NBEA: variants seen among roughly 807,000 people sequenced by gnomAD.
NBEA encodes lysosomal-trafficking regulator 2.
NBEA carries 44 observed loss-of-function variants against 343.4 expected under a neutral mutation model. The observed-to-expected ratio is 0.13, with a 90% CI of 0.10 to 0.16. NBEA has a LOEUF of 0.16. Among genes scored for constraint, NBEA ranks in the 10% least tolerant of loss-of-function variants. The probability of loss-of-function intolerance (pLI) is 1.00; values close to 1 mark genes in which losing one functional copy is unlikely to be tolerated. For synonymous variants in NBEA, 1,175 were observed against 1,238.7 expected (o/e 0.95, Z 1.08); for missense variants, 2,555 against 3,631.3 (o/e 0.70, Z 7.62).
chr13:35,541,182 G>GC (rs35007017), intron 41 of NBEA, among the ~76,000 whole-genome samples: 8 of 151,322 alleles, frequency 5.3e-5, no homozygotes, highest in African/African-American at 9.7e-5. Context: ...TGTGTCCGTT[G>GC]CCCCCCCACC....
At chr13:35,141,771 TTTAA>T (rs1263837402) in intron 17 of NBEA, among the ~76,000 whole-genome samples, 1 of 152,230 alleles carries the variant, frequency 6.6e-6, no homozygotes, top group Non-Finnish European at 1.5e-5. Context: ...ATGAACTCTC[TTTAA>T]TTATGCAGAA....
chr13:34,948,622 C>T lies in NBEA; in HGVS notation c.294+5508C>T, dbSNP rs577245339. 1.1e-4 allele frequency among the ~76,000 whole-genome samples: 16 copies of T among 152,254 alleles called. No individual in the cohort carries two copies. In the South Asian group the frequency reaches 3.3e-3, roughly 32 times the overall value. On this transcript the variant is annotated intron_variant, in intron 1 of 58. Transcript: ENST00000379939. ...TCCCCAGTAACATAGACATTAGTAT[C>T]TGGAAATGACACATTGTAGGAAACA...
intron 41 of NBEA, 45 bp downstream of exon 41, chr13:35,472,581 A>G: frequency 6.2e-7 from 1 of 1,612,436 alleles, no homozygotes; most frequent in Non-Finnish European, 8.5e-7. Flanking sequence ...GCTTTGTGGC[A>G]GGAAGTGGTT....
intron 41 of NBEA, among the ~76,000 whole-genome samples, chr13:35,534,874 T>G (rs569503142): frequency 3.3e-5 from 5 of 152,154 alleles, no homozygotes; most frequent in Non-Finnish European, 7.3e-5. Flanking sequence ...TTGCCTAGGA[T>G]CAGAGAACTT....
At chr13:35,645,183 A>G (rs2084167697) in intron 49 of NBEA, among the ~76,000 whole-genome samples, 1 of 152,168 alleles carries the variant, frequency 6.6e-6, no homozygotes, top group African/African-American at 2.4e-5. Context: ...CCATCTACCA[A>G]CTCACCTGTG....
At chr13:35,030,078 G>T (rs2062152016) in intron 1 of NBEA, among the ~76,000 whole-genome samples, 1 of 151,592 alleles carries the variant, frequency 6.6e-6, no homozygotes, top group African/African-American at 2.4e-5. Flanking sequence ...TTTATATATG[G>T]TCACAGTGAT....
intron 36 of NBEA, among the ~76,000 whole-genome samples, chr13:35,322,428 C>A (rs778001047): frequency 2.0e-5 from 3 of 152,118 alleles, no homozygotes; most frequent in Non-Finnish European, 4.4e-5. Context: ...TGGACTGCAC[C>A]CACAGTCTAA....
intron 49 of NBEA, among the ~76,000 whole-genome samples, chr13:35,628,917 C>CA (rs2083339528): frequency 6.6e-6 from 1 of 151,692 alleles, no homozygotes; most frequent in African/African-American, 2.4e-5. Context: ...GACCCTATCT[C>CA]AAAAAAATAA....
chr13:35,116,622 C>T (rs1039435394), intron 13 of NBEA, among the ~76,000 whole-genome samples: 1 of 151,924 alleles, frequency 6.6e-6, no homozygotes, highest in Non-Finnish European at 1.5e-5. Context: ...AGATGCTATA[C>T]ATTATACATG....
rs759352219 is a variant in NBEA, at chr13:35,110,793, T to A, written c.1834-17T>A. The A allele has an allele frequency of 6.3e-7, 1 of 1,594,576 alleles. No homozygotes were observed. Among genetic ancestry groups the A allele is most frequent in the African/African-American group, 1.3e-5 (1 of 74,526 alleles). ...ATTTTAAATTCATTTTAATGATCTG[T>A]TAATATTCTGTATTAGGTTCAGCTT... On this transcript the variant is annotated splice_polypyrimidine_tract_variant and intron_variant, in intron 12 of 58. Transcript: ENST00000379939.
intron 36 of NBEA, among the ~76,000 whole-genome samples, chr13:35,326,824 A>G (rs1380844827): frequency 6.6e-6 from 1 of 152,112 alleles, no homozygotes; most frequent in Non-Finnish European, 1.5e-5. Flanking sequence ...GCACAGTGAA[A>G]GTAACTGTCA....
At chr13:35,165,112 G>GA (rs774320149) in intron 24 of NBEA, 1 of 533,908 alleles carries the variant, frequency 1.9e-6, no homozygotes. Flanking sequence ...TGCCGTATTA[G>GA]AAACTCATCC....
At chr13:35,425,434 A>C (rs951415500) in intron 38 of NBEA, among the ~76,000 whole-genome samples, 4 of 152,152 alleles carry the variant, frequency 2.6e-5, no homozygotes, top group Non-Finnish European at 5.9e-5. Flanking sequence ...CAGGTTGTTC[A>C]GTTTCCATGT....
intron 23 of NBEA, among the ~76,000 whole-genome samples, chr13:35,162,921 C>T (rs1388219973): frequency 1.3e-5 from 2 of 152,006 alleles, no homozygotes; most frequent in Admixed American, 6.6e-5. Flanking sequence ...TTTATTTGAT[C>T]AATTTGTTCT....
intron 17 of NBEA, among the ~76,000 whole-genome samples, chr13:35,134,375 G>GGGTCATGT (rs1208745564): frequency 6.6e-6 from 1 of 151,322 alleles, no homozygotes; most frequent in Non-Finnish European, 1.5e-5. Flanking sequence ...AAAAAAAGGC[G>GGGTCATGT]GGTCATGTCC....
chr13:35,414,784 T>G (rs560465203), intron 38 of NBEA, among the ~76,000 whole-genome samples: 63 of 152,340 alleles, frequency 4.1e-4, no homozygotes, highest in Non-Finnish European at 7.2e-4. Context: ...TTTCTAGTTC[T>G]AGATCCCTGA....
intron 1 of NBEA, among the ~76,000 whole-genome samples, chr13:35,020,438 A>AC (rs1216954570): frequency 1.3e-5 from 2 of 152,150 alleles, no homozygotes; most frequent in Non-Finnish European, 2.9e-5. Flanking sequence ...GTACGCTTTT[A>AC]GAAGGCTATA....
At chr13:35,000,053 T>C (rs2061074909) in intron 1 of NBEA, among the ~76,000 whole-genome samples, 1 of 152,142 alleles carries the variant, frequency 6.6e-6, no homozygotes, top group African/African-American at 2.4e-5. Flanking sequence ...TACAGTAATA[T>C]CTTTAAGGGT....
rs561335347 is a variant in NBEA, at chr13:35,322,532, C to T, written c.5903+12940C>T. On this transcript the variant is annotated intron_variant, in intron 36 of 58. Transcript: ENST00000379939. The stretch of plus-strand genomic sequence containing the variant: ...AATCAACCGCCTTCTGGGTTTATCT[C>T]GCTAGGAGCTGCAGACTGGAGCTGT... Among the ~76,000 whole-genome samples, 41 of 152,306 alleles carry T rather than the reference C, an allele frequency of 2.7e-4. 1 individual carries two copies. The South Asian group carries it at 6.8e-3, about 25-fold the overall frequency.
Sources: gnomAD v4.1 joint callset for allele counts (sites outside exome capture counted in the v4.1 genomes callset) on GRCh38, gnomAD v4.1.1 for gene constraint, MANE v1.5 for transcripts, NCBI Gene and HGNC (gene_info 2026-07-23, HGNC 2026-07-21) for gene names.